Variants in GFRA1 observed in about 807,000 individuals in gnomAD.
GFRA1 encodes GDNF family receptor alpha 1.
In GFRA1, 16 loss-of-function variants were observed where a neutral mutation model predicts 51.6. The observed-to-expected ratio is 0.31, with a 90% CI of 0.21 to 0.47. GFRA1 has a LOEUF of 0.47. Ranked by LOEUF, GFRA1 falls within the 20% of genes least tolerant of loss-of-function variation. The probability of loss-of-function intolerance (pLI) is 1.00; values close to 1 mark genes in which losing one functional copy is unlikely to be tolerated. For synonymous variants in GFRA1, 270 were observed against 241.3 expected (o/e 1.12, Z -1.10); for missense variants, 530 against 594.3 (o/e 0.89, Z 1.13).
chr10:116,255,945 A>G (rs1255980817), intron 4 of GFRA1: 1 of 155,158 alleles, frequency 6.4e-6, no homozygotes. Context: ...CGTGCACTCA[A>G]ATCATCTACT....
In GFRA1 at chr10:116,125,275, T is replaced by A. The variant is rs1469377518; in HGVS notation, c.716A>T (p.Glu239Val). The stretch of plus-strand genomic sequence containing the variant: ...CTGCAAATTCAAACAGTTGGGCTTC[T>A]CCCTCTCTTCATAGGAGCACACAGG... ...IVPVCSYEER[E>V]KPNCLNLQDS... Residue 239 changes from glutamate to valine, a missense_variant, in exon 6 of 11, where the codon GAG (glutamate) becomes GTG (valine). Physicochemically the swap from Glu to Val is moderately radical, Grantham distance 121. Transcript: ENST00000355422. 2 of 1,614,224 alleles carry A rather than the reference T, an allele frequency of 1.2e-6. No individual in the cohort carries two copies. Among genetic ancestry groups the A allele is most frequent in the South Asian group, 2.2e-5 (2 of 91,088 alleles).
intron 5 of GFRA1, among the ~76,000 whole-genome samples, chr10:116,201,678 G>A (rs751072051): frequency 7.2e-5 from 11 of 152,130 alleles, no homozygotes; most frequent in Non-Finnish European, 1.6e-4. Context: ...AACCAGGCTT[G>A]GGTCTCCAGT....
intron 8 of GFRA1, among the ~76,000 whole-genome samples, chr10:116,092,096 T>TACACGTACACAC (rs1956366965): frequency 7.2e-6 from 1 of 138,110 alleles, no homozygotes; most frequent in African/African-American, 2.6e-5. Context: ...CATACATACG[T>TACACGTACACAC]ACACACACAC....
At chr10:116,245,705 T>C (rs1001844375) in intron 4 of GFRA1, among the ~76,000 whole-genome samples, 7 of 152,170 alleles carry the variant, frequency 4.6e-5, no homozygotes, top group Non-Finnish European at 1.0e-4. Flanking sequence ...GTAAGTGAAT[T>C]GGTAAACAAA....
chr10:116,155,452 G>C (rs1359607810), intron 5 of GFRA1, among the ~76,000 whole-genome samples: 2 of 152,122 alleles, frequency 1.3e-5, no homozygotes, highest in African/African-American at 4.8e-5. Context: ...ATGATTTGCT[G>C]CAAGTCACCT....
In GFRA1 at chr10:116,272,382, G is replaced by C. The variant is rs1054227685; in HGVS notation, c.-246-107C>G. 1.5e-5 allele frequency: 6 copies of C among 412,852 alleles called. No homozygotes were observed. Among genetic ancestry groups the C allele is most frequent in the Admixed American group, 1.1e-4 (3 of 27,442 alleles). The allele number at this position is 412,852 out of a possible 1,614,324, so 25.6% of individuals were successfully genotyped here. Reference sequence around the variant, plus strand: ...CCGCCTTTGGGGAATTTCCAACACCGGGGTGAGGACCCACCCCCACCCAGG... The same window carrying C: ...CCGCCTTTGGGGAATTTCCAACACCCGGGTGAGGACCCACCCCCACCCAGG... On this transcript the variant is annotated intron_variant, in intron 1 of 10. Transcript: ENST00000355422. This position sits in a 1 kb window ranked among gnomAD's most constrained non-coding sequence, Gnocchi z 4.4.
intron 5 of GFRA1, among the ~76,000 whole-genome samples, chr10:116,181,410 G>A (rs921483985): frequency 3.9e-5 from 6 of 152,104 alleles, no homozygotes; most frequent in Non-Finnish European, 7.3e-5. Flanking sequence ...GCCTCACAAC[G>A]GAAAGGACCC....
chr10:116,258,474 C>T (rs976795098), intron 4 of GFRA1, among the ~76,000 whole-genome samples: 21 of 146,160 alleles, frequency 1.4e-4, no homozygotes, highest in African/African-American at 2.7e-4. Context: ...GTAATATATA[C>T]GTAACATATA....
At chr10:116,134,056 C>A (rs910076326) in intron 5 of GFRA1, among the ~76,000 whole-genome samples, 5 of 152,124 alleles carry the variant, frequency 3.3e-5, no homozygotes, top group African/African-American at 1.2e-4. Context: ...AACACAGATG[C>A]AAGCAACTAG....
chr10:116,128,041 GAACA>G (rs1190566692), intron 5 of GFRA1, among the ~76,000 whole-genome samples: 2 of 152,140 alleles, frequency 1.3e-5, no homozygotes, highest in African/African-American at 4.8e-5. Context: ...AGTGAGATAA[GAACA>G]AACAGTTCAA....
chr10:116,135,486 T>C (rs1320074047), intron 5 of GFRA1, among the ~76,000 whole-genome samples: 1 of 152,214 alleles, frequency 6.6e-6, no homozygotes, highest in African/African-American at 2.4e-5. Flanking sequence ...GGCACATATT[T>C]GAGCATAATG....
intron 6 of GFRA1, among the ~76,000 whole-genome samples, chr10:116,110,983 TG>T (rs1282167741): frequency 2.0e-5 from 3 of 152,100 alleles, no homozygotes; most frequent in African/African-American, 7.2e-5. Flanking sequence ...CACGTGTGTT[TG>T]CTTGAGTCAT....
intron 6 of GFRA1, among the ~76,000 whole-genome samples, chr10:116,117,570 TG>T (rs1413406913): frequency 1.4e-5 from 2 of 147,876 alleles, no homozygotes; most frequent in East Asian, 4.0e-4. Context: ...GATGGATGGA[TG>T]GATGGATGGA....
In GFRA1 at chr10:116,081,812, C is replaced by T. The variant is rs542967035; in HGVS notation, c.1197+7929G>A. ...GTATACGACATCATTTTAGGTAGCA[C>T]GCAAACTTTTTTATGGTTTTAATTT... On this transcript the variant is annotated intron_variant, in intron 9 of 10. Transcript: ENST00000355422. Among the ~76,000 whole-genome samples the T allele has an allele frequency of 3.9e-5, 6 of 152,170 alleles. No homozygotes were observed. The South Asian group carries it at 8.3e-4, about 21-fold the overall frequency.
At chr10:116,227,549 A>G (rs1469169437) in intron 4 of GFRA1, among the ~76,000 whole-genome samples, 1 of 152,208 alleles carries the variant, frequency 6.6e-6, no homozygotes, top group Non-Finnish European at 1.5e-5. Flanking sequence ...AGAAGATTAG[A>G]GTGATTTATA....
At chr10:116,217,752 A>G (rs911213414) in intron 4 of GFRA1, among the ~76,000 whole-genome samples, 1 of 152,228 alleles carries the variant, frequency 6.6e-6, no homozygotes, top group African/African-American at 2.4e-5. Context: ...TTTTCTCATC[A>G]GCAACATGCC....
At chr10:116,271,161 C>T in intron 2 of GFRA1, 46 bp from the exon 3 acceptor site, 1 of 1,541,048 alleles carries the variant, frequency 6.5e-7, no homozygotes, top group South Asian at 1.2e-5. Flanking sequence ...GGCGGGGACC[C>T]CGGCCGCCCC....
At chr10:116,247,751 C>T (rs1227285369) in intron 4 of GFRA1, among the ~76,000 whole-genome samples, 1 of 152,200 alleles carries the variant, frequency 6.6e-6, no homozygotes, top group Non-Finnish European at 1.5e-5. Flanking sequence ...CTATCACTCT[C>T]TGCCCCCTAC....
chr10:116,222,588 C>T (rs1966002061), intron 4 of GFRA1, among the ~76,000 whole-genome samples: 1 of 152,168 alleles, frequency 6.6e-6, no homozygotes, highest in South Asian at 2.1e-4. Context: ...AGTGGGGCAA[C>T]AGTGATATGG....
Sources: allele counts gnomAD v4.1 joint callset (sites outside exome capture counted in the v4.1 genomes callset), GRCh38; gene constraint gnomAD v4.1.1; non-coding constraint Gnocchi (gnomAD v3.1); transcripts MANE v1.5; gene names NCBI Gene and HGNC (gene_info 2026-07-23, HGNC 2026-07-21).